DSCAM: variants seen among roughly 807,000 people sequenced by gnomAD.
DSCAM encodes DS cell adhesion molecule.
A neutral mutation model predicts 217.7 loss-of-function variants in DSCAM; 47 were observed. The observed-to-expected ratio is 0.22, with a 90% confidence interval of 0.17 to 0.28. DSCAM has a LOEUF of 0.28. Ranked by LOEUF, DSCAM falls within the 10% of genes least tolerant of loss-of-function variation. The pLI is 1.00. For synonymous variants in DSCAM, 1,056 were observed against 1,015.3 expected (o/e 1.04, Z -0.76); for missense variants, 2,080 against 2,618.3 (o/e 0.79, Z 4.49).
intron 3 of DSCAM, among the ~76,000 whole-genome samples, chr21:40,441,470 C>T (rs1377041371): frequency 6.6e-6 from 1 of 152,056 alleles, no homozygotes; most frequent in African/African-American, 2.4e-5. Flanking sequence ...TGTTTTGGTA[C>T]CAAAGACAAT....
chr21:40,731,740 G>GC (rs1416759461), intron 1 of DSCAM, among the ~76,000 whole-genome samples: 35 of 48,026 alleles, frequency 7.3e-4, no homozygotes, highest in African/African-American at 1.9e-3. Context: ...CCCCCCCCCC[G>GC]CCCCCCGGGT....
intron 1 of DSCAM, among the ~76,000 whole-genome samples, chr21:40,720,852 A>T (rs1015300321): frequency 6.6e-6 from 1 of 152,206 alleles, no homozygotes. Context: ...AGAATTTACA[A>T]AGTGGAAAGA....
At chr21:40,054,802 G>A (rs2088987270) in intron 29 of DSCAM, among the ~76,000 whole-genome samples, 1 of 152,142 alleles carries the variant, frequency 6.6e-6, no homozygotes, top group African/African-American at 2.4e-5. Context: ...GTGGCCAGGT[G>A]GGGAACCTGG....
chr21:40,756,791 G>A (rs2091280319), intron 1 of DSCAM, among the ~76,000 whole-genome samples: 1 of 152,138 alleles, frequency 6.6e-6, no homozygotes, highest in Non-Finnish European at 1.5e-5. Flanking sequence ...CCATAGGAGG[G>A]AGGTATTATT....
intron 9 of DSCAM, among the ~76,000 whole-genome samples, chr21:40,307,958 A>T (rs534184849): frequency 1.3e-5 from 2 of 150,834 alleles, no homozygotes; most frequent in African/African-American, 4.9e-5. Flanking sequence ...GGGGAGGGAT[A>T]GCATTAGGAG....
intron 3 of DSCAM, among the ~76,000 whole-genome samples, chr21:40,586,801 G>C (rs7282931): frequency 0.017 from 2,590 of 152,280 alleles, 69 homozygotes; most frequent in African/African-American, 0.06. Context: ...TCCTCAGTTT[G>C]TTTCTAAAGC....
intron 1 of DSCAM, among the ~76,000 whole-genome samples, chr21:40,757,852 A>G (rs2091291350): frequency 6.6e-6 from 1 of 152,206 alleles, no homozygotes; most frequent in Non-Finnish European, 1.5e-5. Context: ...GTGGGGGAAT[A>G]CACGTATATC....
chr21:40,065,071 T>C (rs895921562), intron 27 of DSCAM, among the ~76,000 whole-genome samples: 4 of 152,002 alleles, frequency 2.6e-5, no homozygotes, highest in African/African-American at 4.8e-5. Context: ...AATGTGAAGA[T>C]AGAGGAAATC....
intron 20 of DSCAM, among the ~76,000 whole-genome samples, chr21:40,099,473 C>T (rs1368829206): frequency 6.6e-6 from 1 of 152,186 alleles, no homozygotes; most frequent in Non-Finnish European, 1.5e-5. Context: ...GATGTCACCA[C>T]CCTTTGATGC....
intron 26 of DSCAM, among the ~76,000 whole-genome samples, chr21:40,077,129 T>G (rs865852041): frequency 2.0e-5 from 3 of 152,162 alleles, no homozygotes; most frequent in Middle Eastern, 3.4e-3. Context: ...AAGAGAAAAG[T>G]TGTCGTCTGG....
chr21:40,325,410 T>G (rs1208874558), intron 8 of DSCAM, among the ~76,000 whole-genome samples: 1 of 152,052 alleles, frequency 6.6e-6, no homozygotes, highest in Non-Finnish European at 1.5e-5. Flanking sequence ...ACAGCAAAAA[T>G]AGAGACATAG....
intron 18 of DSCAM, among the ~76,000 whole-genome samples, chr21:40,136,702 C>G (rs1601368237): frequency 6.6e-6 from 1 of 151,964 alleles, no homozygotes; most frequent in Admixed American, 6.6e-5. Flanking sequence ...CTTTTTTTCC[C>G]AAGAGTGCAG....
intron 3 of DSCAM, among the ~76,000 whole-genome samples, chr21:40,637,472 TATATATAAATATATAAAA>T (rs2089803684): frequency 1.9e-5 from 1 of 51,402 alleles, no homozygotes; most frequent in Non-Finnish European, 3.3e-5. Context: ...TATATATAAA[TATATATAAATATATAAAA>T]ATATATAAAT....
intron 14 of DSCAM, among the ~76,000 whole-genome samples, chr21:40,182,506 A>T (rs1432751472): frequency 6.6e-6 from 1 of 150,692 alleles, no homozygotes; most frequent in Non-Finnish European, 1.5e-5. Flanking sequence ...GACAGGACGG[A>T]GGCACCGGAG....
intron 1 of DSCAM, among the ~76,000 whole-genome samples, chr21:40,821,197 A>G (rs1198081891): frequency 6.7e-6 from 1 of 150,084 alleles, no homozygotes; most frequent in African/African-American, 2.5e-5. Context: ...AGTTTGTCAA[A>G]TTGTCTTTTT....
intron 3 of DSCAM, among the ~76,000 whole-genome samples, chr21:40,422,394 C>T (rs571271226): frequency 8.7e-4 from 132 of 152,138 alleles, no homozygotes; most frequent in African/African-American, 3.1e-3. Flanking sequence ...CTGTGGGAGG[C>T]GGAGGTGAGC....
chr21:40,810,890 G>A (rs2091831924), intron 1 of DSCAM, among the ~76,000 whole-genome samples: 1 of 150,916 alleles, frequency 6.6e-6, no homozygotes, highest in African/African-American at 2.5e-5. Flanking sequence ...GGGGAACAGA[G>A]CAAGACCCTG....
intron 3 of DSCAM, among the ~76,000 whole-genome samples, chr21:40,687,640 T>G (rs2090494832): frequency 6.6e-6 from 1 of 152,184 alleles, no homozygotes; most frequent in African/African-American, 2.4e-5. Context: ...CTTGTCTAAT[T>G]TGGTTGGCTG....
intron 8 of DSCAM, among the ~76,000 whole-genome samples, chr21:40,334,381 C>T (rs2074407574): frequency 6.6e-6 from 1 of 152,182 alleles, no homozygotes. Flanking sequence ...TGCCATTCTT[C>T]CTGATATTCA....
Sources: gnomAD v4.1 joint callset for allele counts (sites outside exome capture counted in the v4.1 genomes callset) on GRCh38, gnomAD v4.1.1 for gene constraint, MANE v1.5 for transcripts, NCBI Gene and HGNC (gene_info 2026-07-23, HGNC 2026-07-21) for gene names.